PRKG1: variants seen among roughly 807,000 people sequenced by gnomAD.
The protein encoded by PRKG1 is cGMP-dependent protein kinase 1.
A neutral mutation model predicts 88.1 loss-of-function variants in PRKG1; 35 were observed. That is an observed-to-expected ratio of 0.40 (90% CI 0.30 to 0.53). The LOEUF (loss-of-function observed/expected upper bound fraction) is 0.53, where lower values mean the gene tolerates loss of function less well. Among genes scored for constraint, PRKG1 ranks in the 20% least tolerant of loss-of-function variants. The pLI is 0.59. For synonymous variants in PRKG1, 303 were observed against 292.5 expected, an observed-to-expected ratio of 1.04 and a Z score of -0.37; for missense variants, 540 against 839.8, an observed-to-expected ratio of 0.64 and a Z score of 4.41.
rs199872150 is a variant in PRKG1, at chr10:51,697,773, T to C, written c.593-106812T>C. The C allele has an allele frequency of 5.5e-5, 89 of 1,614,070 alleles. No individual in the cohort carries two copies. Among genetic ancestry groups the C allele is most frequent in the Non-Finnish European group, 6.9e-5 (81 of 1,180,030 alleles). On this transcript the variant is annotated intron_variant, in intron 3 of 17. Transcript: ENST00000373980. ...CTCTGCCTTTGCTCAGGGGGCAGCA[T>C]GGCAATCTGATCTGCAGTCAGTTGA... is the stretch of plus-strand genomic sequence containing the variant.
At chr10:52,007,861 A>G (rs1250280508) in intron 5 of PRKG1, among the ~76,000 whole-genome samples, 1 of 152,168 alleles carries the variant, frequency 6.6e-6, no homozygotes, top group African/African-American at 2.4e-5. Flanking sequence ...AAAATGGTAC[A>G]CACTCTAAAA....
At chr10:51,650,371 C>T (rs1433988155) in intron 3 of PRKG1, among the ~76,000 whole-genome samples, 7 of 152,050 alleles carry the variant, frequency 4.6e-5, no homozygotes, top group Non-Finnish European at 2.9e-5. Flanking sequence ...AGTCCCTTTC[C>T]TAGAATCATT....
At chr10:51,173,536 T>C (rs1232370165) in intron 2 of PRKG1, among the ~76,000 whole-genome samples, 1 of 151,924 alleles carries the variant, frequency 6.6e-6, no homozygotes. Flanking sequence ...TATGTCATTA[T>C]GCTCAAGAGA....
rs1843407083 is a variant in PRKG1 at position 51,040,475 on chromosome 10, C to T, written c.266+48831C>T. 4.0e-5 allele frequency among the ~76,000 whole-genome samples: 6 copies of T among 151,590 alleles called. No individual in the cohort carries two copies. In the South Asian group the frequency reaches 1.3e-3, roughly 32 times the overall value. On this transcript the variant is annotated intron_variant, in intron 1 of 17. Coordinates refer to the PRKG1 transcript ENST00000401604. Reference sequence around the variant, plus strand: ...CTGGGATTACAGGTGCCCTCCAATACACCTGGCTATTTTTTTGTATTTCTA... The same window carrying T: ...CTGGGATTACAGGTGCCCTCCAATATACCTGGCTATTTTTTTGTATTTCTA...
At chr10:51,288,035 T>G (rs1840486087) in intron 2 of PRKG1, among the ~76,000 whole-genome samples, 1 of 152,104 alleles carries the variant, frequency 6.6e-6, no homozygotes, top group South Asian at 2.1e-4. Context: ...GTTGATTTGT[T>G]ATTCTTCATC....
At chr10:52,250,066 G>C (rs940263438) in intron 9 of PRKG1, among the ~76,000 whole-genome samples, 3 of 152,118 alleles carry the variant, frequency 2.0e-5, no homozygotes, top group African/African-American at 7.2e-5. Context: ...CTTTCAATGG[G>C]ATGGAGTTTT....
intron 3 of PRKG1, among the ~76,000 whole-genome samples, chr10:51,787,216 C>A (rs528478391): frequency 6.6e-6 from 1 of 152,158 alleles, no homozygotes; most frequent in Admixed American, 6.6e-5. Context: ...AAAGTTAAAG[C>A]CTTTTAAGTA....
chr10:51,066,408 T>C (rs1230430257), intron 1 of PRKG1, among the ~76,000 whole-genome samples: 1 of 152,054 alleles, frequency 6.6e-6, no homozygotes, highest in African/African-American at 2.4e-5. Flanking sequence ...GCTGGGCAAA[T>C]TGTGGTTTGA....
chr10:51,096,960 T>A (rs1385248915), intron 1 of PRKG1, among the ~76,000 whole-genome samples: 2 of 152,340 alleles, frequency 1.3e-5, no homozygotes, highest in African/African-American at 4.8e-5. Context: ...TTATCTGTCC[T>A]AAAATGTCAA....
At chr10:51,056,584 AG>A (rs1431287180) in intron 1 of PRKG1, among the ~76,000 whole-genome samples, 1 of 152,176 alleles carries the variant, frequency 6.6e-6, no homozygotes, top group Non-Finnish European at 1.5e-5. Flanking sequence ...CCTTAACCCT[AG>A]GCTTTTCAGT....
chr10:51,331,913 A>C (rs772510517), intron 2 of PRKG1, among the ~76,000 whole-genome samples: 1 of 152,180 alleles, frequency 6.6e-6, no homozygotes, highest in African/African-American at 2.4e-5. Flanking sequence ...GGGAGCAACA[A>C]AAAGGTCATG....
chr10:51,866,523 A>T (rs772314579), intron 4 of PRKG1, among the ~76,000 whole-genome samples: 1 of 152,180 alleles, frequency 6.6e-6, no homozygotes, highest in Non-Finnish European at 1.5e-5. Flanking sequence ...AAAGCTTAAA[A>T]GAAACAAATG....
intron 1 of PRKG1, among the ~76,000 whole-genome samples, chr10:51,134,064 C>A (rs1845634548): frequency 6.6e-6 from 1 of 152,158 alleles, no homozygotes; most frequent in African/African-American, 2.4e-5. Context: ...TCTTACAGAT[C>A]TCAAAACTGA....
chr10:51,623,075 C>T (rs946060286), intron 3 of PRKG1, among the ~76,000 whole-genome samples: 49 of 152,314 alleles, frequency 3.2e-4, no homozygotes, highest in Non-Finnish European at 6.8e-4. Flanking sequence ...TGAACATTTA[C>T]AAATATCTTC....
At chr10:51,163,556 G>A (rs1281921844) in intron 2 of PRKG1, among the ~76,000 whole-genome samples, 4 of 152,154 alleles carry the variant, frequency 2.6e-5, no homozygotes, top group East Asian at 1.9e-4. Context: ...TGGGTGCCGC[G>A]CACCCGCACC....
At chr10:51,923,944 T>C (rs1435359509) in intron 5 of PRKG1, among the ~76,000 whole-genome samples, 2 of 151,864 alleles carry the variant, frequency 1.3e-5, no homozygotes, top group Non-Finnish European at 2.9e-5. Flanking sequence ...TCCTCCCACC[T>C]AGGTCTCTTG....
intron 2 of PRKG1, among the ~76,000 whole-genome samples, chr10:51,285,205 T>C (rs1322934547): frequency 6.6e-6 from 1 of 152,004 alleles, no homozygotes; most frequent in Non-Finnish European, 1.5e-5. Flanking sequence ...AAAAGTCTTA[T>C]TTTGTTAGAC....
At chr10:51,099,933 T>C (rs1378739106) in intron 1 of PRKG1, among the ~76,000 whole-genome samples, 1 of 152,174 alleles carries the variant, frequency 6.6e-6, no homozygotes, top group African/African-American at 2.4e-5. Context: ...TCTTGTTCTG[T>C]CACTTAGGCT....
At chr10:52,133,766 T>A in intron 7 of PRKG1, 74 bp from the exon 8 acceptor site, 1 of 1,281,606 alleles carries the variant, frequency 7.8e-7, no homozygotes, top group Non-Finnish European at 1.1e-6. Context: ...AATTTTTTCC[T>A]GAATTAATCA....
Sources: allele counts gnomAD v4.1 joint callset (sites outside exome capture counted in the v4.1 genomes callset), GRCh38; gene constraint gnomAD v4.1.1; transcripts MANE v1.5; gene names NCBI Gene and HGNC (gene_info 2026-07-23, HGNC 2026-07-21).